The following FOXJ3 variants were observed in gnomAD, a reference collection of about 807,000 sequenced individuals.
The protein encoded by FOXJ3 is forkhead box protein J3.
A neutral mutation model predicts 76.1 loss-of-function variants in FOXJ3; 22 were observed. That is an observed-to-expected ratio of 0.29 (90% CI 0.21 to 0.41). The LOEUF (loss-of-function observed/expected upper bound fraction) is 0.41, where lower values mean the gene tolerates loss of function less well. Ranked by LOEUF, FOXJ3 falls within the 10% of genes least tolerant of loss-of-function variation. The probability of loss-of-function intolerance (pLI) is 1.00; values close to 1 mark genes in which losing one functional copy is unlikely to be tolerated. For missense variants in FOXJ3, 613 were observed against 762.1 expected, an observed-to-expected ratio of 0.80 and a Z score of 2.30; for synonymous variants, 269 against 261.2, an observed-to-expected ratio of 1.03 and a Z score of -0.29.
At chr1:42,333,309 CACTTTGGAATCTAGTAAGTG>C (rs1245832928) in intron 1 of FOXJ3, among the ~76,000 whole-genome samples, 1 of 151,866 alleles carries the variant, frequency 6.6e-6, no homozygotes, top group African/African-American at 2.4e-5. Flanking sequence ...GAATGCAGGC[CACTTTGGAATCTAGTAAGTG>C]ACTTTGAAAC....
chr1:42,271,093 T>C (rs1651835442), intron 3 of FOXJ3, among the ~76,000 whole-genome samples: 1 of 152,184 alleles, frequency 6.6e-6, no homozygotes, highest in Admixed American at 6.5e-5. Flanking sequence ...CTGCCTCTAC[T>C]GAAGTTCCAC....
intron 4 of FOXJ3, among the ~76,000 whole-genome samples, chr1:42,261,837 C>T (rs1165716908): frequency 6.6e-6 from 1 of 152,170 alleles, no homozygotes; most frequent in East Asian, 1.9e-4. Context: ...TTTGGAAAAG[C>T]TCCTCAAATG....
intron 6 of FOXJ3, among the ~76,000 whole-genome samples, chr1:42,203,338 T>C (rs1334786348): frequency 6.6e-6 from 1 of 152,222 alleles, no homozygotes; most frequent in Non-Finnish European, 1.5e-5. Flanking sequence ...CCTGGAAATT[T>C]TGACTGAATG....
intron 3 of FOXJ3, among the ~76,000 whole-genome samples, chr1:42,276,247 T>C (rs1652249377): frequency 6.6e-6 from 1 of 151,672 alleles, no homozygotes; most frequent in Non-Finnish European, 1.5e-5. Flanking sequence ...TCCCAGCTAC[T>C]CGAGAGGCTG....
At chr1:42,288,991 G>A (rs561121737) in intron 2 of FOXJ3, among the ~76,000 whole-genome samples, 10 of 151,948 alleles carry the variant, frequency 6.6e-5, no homozygotes, top group Non-Finnish European at 1.3e-4. Flanking sequence ...TGTACACTAC[G>A]GAGACTTTTG....
intron 11 of FOXJ3, among the ~76,000 whole-genome samples, chr1:42,182,345 T>A (rs1221021602): frequency 6.6e-6 from 1 of 152,222 alleles, no homozygotes; most frequent in Non-Finnish European, 1.5e-5. Flanking sequence ...CATTACTTCA[T>A]CTGACCCTCC....
At chr1:42,239,594 T>C (rs1648970087) in intron 4 of FOXJ3, among the ~76,000 whole-genome samples, 1 of 152,170 alleles carries the variant, frequency 6.6e-6, no homozygotes, top group African/African-American at 2.4e-5. Context: ...TTGTCACACA[T>C]AAAACTAAAA....
At chr1:42,316,333 C>CTTTTTTTTTTTT (rs71065173) in intron 1 of FOXJ3, among the ~76,000 whole-genome samples, 1,100 of 73,824 alleles carry the variant, frequency 0.015, 176 homozygotes, top group African/African-American at 0.041. Flanking sequence ...TGCATTGGGC[C>CTTTTTTTTTTTT]TTTTTTTTTT....
intron 3 of FOXJ3, among the ~76,000 whole-genome samples, chr1:42,273,624 G>A (rs753352372): frequency 7.4e-6 from 1 of 134,338 alleles, no homozygotes; most frequent in Admixed American, 8.8e-5. Context: ...GCAGTGAGCC[G>A]AGATCACACC....
intron 3 of FOXJ3, 127 bp from the exon 4 acceptor site, chr1:42,265,316 T>C: frequency 1.9e-6 from 1 of 530,174 alleles, no homozygotes; most frequent in South Asian, 2.9e-5. Flanking sequence ...AATAAACTTT[T>C]TAATCAGCTT....
intron 4 of FOXJ3, among the ~76,000 whole-genome samples, chr1:42,248,529 G>A (rs1228640940): frequency 6.3e-5 from 5 of 79,916 alleles, no homozygotes; most frequent in African/African-American, 1.7e-4. Context: ...GCAAGACTGC[G>A]TCTCCAAAAA....
At chr1:42,261,989 T>C (rs755409059) in intron 4 of FOXJ3, among the ~76,000 whole-genome samples, 12 of 152,222 alleles carry the variant, frequency 7.9e-5, no homozygotes, top group Non-Finnish European at 1.6e-4. Flanking sequence ...GTGCTTTGCT[T>C]GTTCAACATT....
chr1:42,294,074 C>T (rs1653619798), intron 2 of FOXJ3, among the ~76,000 whole-genome samples: 1 of 152,104 alleles, frequency 6.6e-6, no homozygotes, highest in Non-Finnish European at 1.5e-5. Context: ...GGCAGGAGTC[C>T]AATTCCAAAT....
At chr1:42,249,619 C>T (rs139526771) in intron 4 of FOXJ3, among the ~76,000 whole-genome samples, 21 of 152,276 alleles carry the variant, frequency 1.4e-4, no homozygotes, top group South Asian at 2.1e-4. Context: ...AATAGAACAG[C>T]GACTTCTTAG....
At chr1:42,201,488 G>GA in intron 6 of FOXJ3, among the ~76,000 whole-genome samples, 1 of 152,266 alleles carries the variant, frequency 6.6e-6, no homozygotes, top group South Asian at 2.1e-4. Flanking sequence ...ATAAAATGTG[G>GA]AGTATACATG....
At chr1:42,262,668 G>A (rs1651138048) in intron 4 of FOXJ3, among the ~76,000 whole-genome samples, 2 of 152,242 alleles carry the variant, frequency 1.3e-5, no homozygotes, top group South Asian at 2.1e-4. Context: ...GGCCAAGATG[G>A]TGAAACCCCA....
intron 1 of FOXJ3, among the ~76,000 whole-genome samples, chr1:42,316,167 T>C (rs1266332581): frequency 6.6e-6 from 1 of 152,052 alleles, no homozygotes; most frequent in Non-Finnish European, 1.5e-5. Context: ...AAGCTCTGAA[T>C]AAGTTCGTTT....
intron 5 of FOXJ3, among the ~76,000 whole-genome samples, chr1:42,223,897 C>T (rs1162209418): frequency 2.0e-5 from 3 of 152,200 alleles, no homozygotes; most frequent in Non-Finnish European, 4.4e-5. Context: ...GAAGGCAAGA[C>T]TATCTGAGTT....
rs1223263218 is a variant in FOXJ3 at position 42,279,041 on chromosome 1, C to G, written c.45-369G>C. ...GCCCAACTCTTTTACTCACCACCAC[C>G]ACAAGCCGTTAAAAGCTTAAAATGT... On this transcript the variant is annotated intron_variant, in intron 2 of 12. Coordinates refer to ENST00000361346, the MANE Select transcript of FOXJ3 (RefSeq NM_014947.5). Among the ~76,000 whole-genome samples the G allele has an allele frequency of 2.0e-5, 3 of 152,262 alleles. No homozygotes were observed. In the East Asian group the frequency reaches 5.8e-4, roughly 29 times the overall value.
Sources: gnomAD v4.1 joint callset for allele counts (sites outside exome capture counted in the v4.1 genomes callset) on GRCh38, gnomAD v4.1.1 for gene constraint, MANE v1.5 for transcripts, NCBI Gene and HGNC (gene_info 2026-07-23, HGNC 2026-07-21) for gene names.